Variants in LEKR1 observed in about 807,000 individuals in gnomAD.
LEKR1 encodes the protein leucine, glutamate and lysine rich 1.
In LEKR1, 59 loss-of-function variants were observed where a neutral mutation model predicts 72.4. The observed-to-expected ratio is 0.82, with a 90% CI of 0.66 to 1.01. LEKR1 has a LOEUF of 1.01. LEKR1 is among the 50% of genes least tolerant of loss of function. The probability of loss-of-function intolerance (pLI) is 0.00; values close to 1 mark genes in which losing one functional copy is unlikely to be tolerated. For missense variants in LEKR1, 728 were observed against 759.2 expected, an observed-to-expected ratio of 0.96 and a Z score of 0.48; for synonymous variants, 257 against 263.2, an observed-to-expected ratio of 0.98 and a Z score of 0.23.
rs192182457 is a variant in LEKR1 at position 157,039,492 on chromosome 3, G to T, written c.1669-5848G>T. On this transcript the variant is annotated intron_variant, in intron 12 of 12. Coordinates refer to ENST00000356539, the MANE Select transcript of LEKR1 (RefSeq NM_001004316.3). ...AAATTAGCTGGGCATGGTGGCACAC[G>T]CCTGTAGTCCCAGCTACTTGGGAAG... 4.7e-3 allele frequency among the ~76,000 whole-genome samples: 710 copies of T among 152,180 alleles called. 3 individuals are homozygous for T. The highest frequency in any genetic ancestry group is 0.016 in the African/African-American group (666 of 41,522).
chr3:156,941,396 T>C (rs1726187530), intron 5 of LEKR1, among the ~76,000 whole-genome samples: 1 of 152,122 alleles, frequency 6.6e-6, no homozygotes, highest in South Asian at 2.1e-4. Flanking sequence ...AAACATGCTC[T>C]TTTTTCCTGT....
chr3:157,011,348 A>T (rs1328095653), intron 9 of LEKR1, 65 bp from the exon 10 acceptor site: 2 of 1,077,930 alleles, frequency 1.9e-6, no homozygotes, highest in African/African-American at 3.1e-5. Context: ...CCGACCCAGG[A>T]ACTACAACTT....
At chr3:156,846,746 C>T (rs1389291818) in intron 2 of LEKR1, among the ~76,000 whole-genome samples, 1 of 152,114 alleles carries the variant, frequency 6.6e-6, no homozygotes, top group Non-Finnish European at 1.5e-5. Flanking sequence ...TTTATTTCCT[C>T]CTTGTCTAAG....
At chr3:156,843,317 A>G (rs891273836) in intron 2 of LEKR1, among the ~76,000 whole-genome samples, 2 of 152,174 alleles carry the variant, frequency 1.3e-5, no homozygotes, top group Non-Finnish European at 2.9e-5. Context: ...GCTTGGGGAC[A>G]TATGTGGAAA....
intron 2 of LEKR1, among the ~76,000 whole-genome samples, chr3:156,838,872 A>G (rs1254844344): frequency 6.6e-6 from 1 of 152,194 alleles, no homozygotes; most frequent in African/African-American, 2.4e-5. Context: ...TTCCTCCCAC[A>G]CAGATGAAAT....
At chr3:156,875,339 A>G (rs150188438) in intron 3 of LEKR1, among the ~76,000 whole-genome samples, 1,640 of 152,218 alleles carry the variant, frequency 0.011, 17 homozygotes, top group Admixed American at 0.014. Context: ...AGAATGGTCT[A>G]TTCATGTCCT....
rs138059166 is a variant in LEKR1, at chr3:156,982,839, ATG to A, written c.827+3580_827+3581del. ...TTATTACTTTCATATATATATGAAT[ATG>A]TGTGTGTGTGTGTGTAGATAGATAG... On this transcript the variant is annotated intron_variant, in intron 7 of 12. Coordinates refer to ENST00000356539, the MANE Select transcript of LEKR1 (RefSeq NM_001004316.3). Among the ~76,000 whole-genome samples, 448 of 147,034 alleles carry A rather than the reference ATG, an allele frequency of 3.0e-3. 3 individuals are homozygous for A. Among genetic ancestry groups the A allele is most frequent in the African/African-American group, 0.01 (412 of 39,292 alleles).
intron 3 of LEKR1, among the ~76,000 whole-genome samples, chr3:156,859,036 G>A (rs536310177): frequency 1.3e-5 from 2 of 152,016 alleles, no homozygotes; most frequent in Non-Finnish European, 2.9e-5. Context: ...TTGGGAGACC[G>A]TATTAAGAGT....
intron 12 of LEKR1, among the ~76,000 whole-genome samples, chr3:157,037,323 T>A (rs997073659): frequency 1.1e-4 from 17 of 152,118 alleles, no homozygotes; most frequent in African/African-American, 4.1e-4. Context: ...ACTTTTTAGC[T>A]ATATGTAATC....
chr3:156,863,772 C>G (rs911045720), intron 3 of LEKR1, among the ~76,000 whole-genome samples: 3 of 151,982 alleles, frequency 2.0e-5, no homozygotes, highest in African/African-American at 7.2e-5. Context: ...AGAAACCAAA[C>G]AAATACAGCT....
intron 6 of LEKR1, among the ~76,000 whole-genome samples, chr3:156,953,330 A>G (rs899197302): frequency 7.3e-5 from 11 of 151,556 alleles, no homozygotes; most frequent in Admixed American, 5.9e-4. Context: ...GAATATTGAC[A>G]TATTATTATT....
chr3:156,891,300 G>A (rs1720643710), intron 3 of LEKR1, among the ~76,000 whole-genome samples: 1 of 152,106 alleles, frequency 6.6e-6, no homozygotes, highest in African/African-American at 2.4e-5. Context: ...AGTTGCATAA[G>A]GGTAAGAAAA....
chr3:156,927,787 A>G (rs148753956), intron 5 of LEKR1, among the ~76,000 whole-genome samples, 183 bp downstream of exon 5: 151 of 152,082 alleles, frequency 9.9e-4, no homozygotes, highest in African/African-American at 3.5e-3. Context: ...AGGTTTATCT[A>G]AGATAATCTA....
intron 3 of LEKR1, 35 bp downstream of exon 3, chr3:156,853,017 G>T: frequency 7.4e-7 from 1 of 1,353,092 alleles, no homozygotes; most frequent in South Asian, 1.3e-5. Flanking sequence ...CATTTATTTA[G>T]TTGAAAGACA....
intron 3 of LEKR1, among the ~76,000 whole-genome samples, chr3:156,861,075 T>C (rs1716710735): frequency 6.6e-6 from 1 of 152,124 alleles, no homozygotes; most frequent in Non-Finnish European, 1.5e-5. Context: ...TGTTGGCTTG[T>C]TGCTTCCTGA....
chr3:156,918,927 C>T (rs1038485826), intron 3 of LEKR1, among the ~76,000 whole-genome samples: 7 of 152,052 alleles, frequency 4.6e-5, no homozygotes, highest in Admixed American at 3.9e-4. Flanking sequence ...AGCATTGTTG[C>T]GAGGTACGGC....
intron 12 of LEKR1, among the ~76,000 whole-genome samples, chr3:157,037,631 CA>C (rs1225837538): frequency 8.5e-5 from 13 of 152,178 alleles, no homozygotes; most frequent in African/African-American, 2.7e-4. Flanking sequence ...CATGAATCCA[CA>C]AAATCCCAGA....
intron 2 of LEKR1, among the ~76,000 whole-genome samples, chr3:156,849,530 A>C (rs1193349917): frequency 3.3e-5 from 5 of 152,212 alleles, no homozygotes; most frequent in Admixed American, 6.5e-5. Flanking sequence ...ACAGTAACCA[A>C]AACAGCATGG....
intron 6 of LEKR1, among the ~76,000 whole-genome samples, chr3:156,978,160 A>C (rs1485011921): frequency 6.6e-6 from 1 of 152,200 alleles, no homozygotes; most frequent in African/African-American, 2.4e-5. Context: ...TGGATAAACA[A>C]AGGTTTATAC....
Sources: gnomAD v4.1 joint callset for allele counts (sites outside exome capture counted in the v4.1 genomes callset) on GRCh38, gnomAD v4.1.1 for gene constraint, MANE v1.5 for transcripts, NCBI Gene and HGNC (gene_info 2026-07-23, HGNC 2026-07-21) for gene names.